HERC1: variants seen among roughly 807,000 people sequenced by gnomAD.
The protein encoded by HERC1 is probable E3 ubiquitin-protein ligase HERC1.
Under a neutral mutation model 554.3 loss-of-function variants are expected in HERC1, and 160 were observed. The observed-to-expected ratio is 0.29, with a 90% CI of 0.25 to 0.33. The LOEUF (loss-of-function observed/expected upper bound fraction) is 0.33. Among genes scored for constraint, HERC1 ranks in the 10% least tolerant of loss-of-function variants. The pLI is 1.00. For synonymous variants in HERC1, 2,175 were observed against 2,131.7 expected (o/e 1.02, Z -0.56); for missense variants, 4,919 against 5,918.5 (o/e 0.83, Z 5.54).
chr15:63,741,544 T>C (rs2074807475), intron 12 of HERC1, among the ~76,000 whole-genome samples: 1 of 152,162 alleles, frequency 6.6e-6, no homozygotes, highest in Non-Finnish European at 1.5e-5. Context: ...CGACTTCAGG[T>C]GATCCACCTG....
At chr15:63,609,890 GA>G (rs985042818) in intron 77 of HERC1, among the ~76,000 whole-genome samples, 2 of 152,144 alleles carry the variant, frequency 1.3e-5, no homozygotes, top group African/African-American at 4.8e-5. Flanking sequence ...CAGCAAAACA[GA>G]AAGGTGTTCA....
At chr15:63,663,281 A>C in intron 43 of HERC1, 77 bp from the exon 44 acceptor site, 1 of 1,219,522 alleles carries the variant, frequency 8.2e-7, no homozygotes, top group African/African-American at 1.5e-5. Context: ...CTTAACTGCC[A>C]TACATGTAGG....
At position 63,638,525 on chromosome 15, in the gene HERC1, C is replaced by T; in HGVS notation, c.11979G>A (p.Leu3993=). ...ATAAGTAGACATCACATTTACCTCCCAGGTGCCAGTCCTAGAAAACCACAA... is the reference window on the plus strand; with the variant it reads ...ATAAGTAGACATCACATTTACCTCCTAGGTGCCAGTCCTAGAAAACCACAA... The part of the protein sequence containing the change: ...WATSRPEDWH[L]GGKCDVYLWG... The change falls in exon 63 of 78, where the codon CTG becomes CTA. Residue 3993 remains leucine (L), a synonymous_variant. Coordinates refer to ENST00000443617, the MANE Select transcript of HERC1 (RefSeq NM_003922.4). 6.2e-7 allele frequency: 1 copy of T among 1,613,840 alleles called. No individual in the cohort carries two copies. The highest frequency in any genetic ancestry group is 2.2e-5 in the East Asian group (1 of 44,874).
chr15:63,772,020 G>A (rs887819169), intron 2 of HERC1, among the ~76,000 whole-genome samples: 7 of 152,048 alleles, frequency 4.6e-5, no homozygotes, highest in African/African-American at 1.7e-4. Flanking sequence ...TACTTGGGAG[G>A]CTGAGGCAGG....
At chr15:63,688,011 A>T (rs1314739491) in intron 33 of HERC1, among the ~76,000 whole-genome samples, 1 of 152,232 alleles carries the variant, frequency 6.6e-6, no homozygotes, top group Non-Finnish European at 1.5e-5. Context: ...AAACCATTGG[A>T]GTATTTTAAG....
intron 54 of HERC1, among the ~76,000 whole-genome samples, chr15:63,649,155 C>A (rs940787217): frequency 6.6e-6 from 1 of 152,168 alleles, no homozygotes; most frequent in Non-Finnish European, 1.5e-5. Context: ...GAGATCGAGA[C>A]CATCCTGGCC....
At chr15:63,687,747 G>A (rs912570783) in intron 33 of HERC1, among the ~76,000 whole-genome samples, 2 of 152,178 alleles carry the variant, frequency 1.3e-5, no homozygotes, top group Admixed American at 6.5e-5. Flanking sequence ...AATTAAAGCA[G>A]GTGACACGAC....
chr15:63,617,685 C>T (rs547307197), intron 74 of HERC1, among the ~76,000 whole-genome samples: 21 of 152,242 alleles, frequency 1.4e-4, no homozygotes, highest in African/African-American at 4.8e-4. Context: ...TTCCTGACTT[C>T]TTAATGATCG....
chr15:63,773,539 T>C (rs2076014726), intron 2 of HERC1, among the ~76,000 whole-genome samples: 1 of 151,916 alleles, frequency 6.6e-6, no homozygotes, highest in South Asian at 2.1e-4. Flanking sequence ...ATTTGTATTT[T>C]ATTTTTTTTT....
In HERC1 at chr15:63,627,599, G is replaced by A. The variant is rs535034972; in HGVS notation, c.13105+1078C>T. 5.3e-4 allele frequency among the ~76,000 whole-genome samples: 80 copies of A among 151,974 alleles called. No individual in the cohort carries two copies. The South Asian group carries it at 0.012, about 23-fold the overall frequency. On this transcript the variant is annotated intron_variant, in intron 70 of 77. Transcript: ENST00000443617. Reference sequence around the variant, plus strand: ...TGAGGCAGGAGAATCGCTTGAACCCGGGAGGCAGAGGTTGCAGTAAGCCGA... The same window carrying A: ...TGAGGCAGGAGAATCGCTTGAACCCAGGAGGCAGAGGTTGCAGTAAGCCGA...
Position 63,612,557 on chromosome 15 carries a change from C to G in HERC1, c.14095-1G>C. The G allele has an allele frequency of 6.2e-7, 1 of 1,611,860 alleles. No homozygotes were observed. The highest frequency in any genetic ancestry group is 8.5e-7 in the Non-Finnish European group (1 of 1,178,484). ...ACATCCCTTCTCGGACTGCAGCCAC[C>G]TGCTCCCGGGAGAGGTTGCTCATTC... On this transcript the variant is annotated splice_acceptor_variant, in intron 76 of 77. Coordinates refer to ENST00000443617, the MANE Select transcript of HERC1 (RefSeq NM_003922.4). LOFTEE classifies it high-confidence loss of function. The surrounding 1 kb of genome is among the most constrained non-coding windows in gnomAD (Gnocchi z 5.0).
intron 32 of HERC1, among the ~76,000 whole-genome samples, 174 bp downstream of exon 32, chr15:63,690,367 A>AT (rs1231518632): frequency 1.3e-5 from 2 of 151,540 alleles, no homozygotes; most frequent in Non-Finnish European, 1.5e-5. Context: ...CCATAACTTA[A>AT]TTTTTTTTGC....
intron 37 of HERC1, among the ~76,000 whole-genome samples, chr15:63,676,257 T>C (rs908398935): frequency 1.3e-5 from 2 of 152,116 alleles, no homozygotes; most frequent in African/African-American, 4.8e-5. Context: ...AGGCAAAGAA[T>C]GAGAGGAAAG....
intron 12 of HERC1, among the ~76,000 whole-genome samples, chr15:63,745,188 G>T (rs2075010926): frequency 6.6e-6 from 1 of 152,158 alleles, no homozygotes; most frequent in Non-Finnish European, 1.5e-5. Context: ...CTCTCTTGGA[G>T]CCACGAGCTG....
Position 63,689,667 on chromosome 15 carries a change from A to G in HERC1, c.5970T>C (p.Asp1990=), listed in dbSNP as rs967721101. The G allele has an allele frequency of 1.7e-5, 27 of 1,587,064 alleles. No homozygotes were observed. The highest frequency in any genetic ancestry group is 1.7e-4 in the Middle Eastern group (1 of 6,032). ...GAGCAATGGGTGTCTCCCACATACA[A>G]TCAGAGAGAAGGGAAAATAAGCGCT... is the stretch of plus-strand genomic sequence containing the variant. ...IVERLFSLLS[D]CMWETPIAQA... Residue 1990 remains aspartate (D), a synonymous_variant, in exon 33 of 78, where the codon GAT becomes GAC. Coordinates refer to ENST00000443617, the MANE Select transcript of HERC1 (RefSeq NM_003922.4).
intron 70 of HERC1, among the ~76,000 whole-genome samples, 194 bp downstream of exon 70, chr15:63,628,483 T>C (rs763889604): frequency 1.1e-4 from 16 of 152,240 alleles, no homozygotes; most frequent in Non-Finnish European, 1.8e-4. Flanking sequence ...ACGTGGTTCA[T>C]ACTGATGTCA....
chr15:63,713,442 A>C lies in HERC1; in HGVS notation c.4374T>G (p.Pro1458=), dbSNP rs777496817. 1.9e-6 allele frequency: 3 copies of C among 1,613,920 alleles called. No homozygotes were observed. In the Admixed American group the frequency reaches 5.0e-5, roughly 27 times the overall value. ...RCALLILGVS[P]VIDELQKRRE... ...TTCGCTTCTGAAGCTCATCTATCAC[A>C]GGACTTACTCCTAATATTAACAGGG... The change falls in exon 23 of 78, where the codon CCT becomes CCG. Residue 1458 remains proline (P), a synonymous_variant. Coordinates refer to ENST00000443617, the MANE Select transcript of HERC1 (RefSeq NM_003922.4).
In HERC1 at chr15:63,756,031, T is replaced by C. The variant is rs1400595236; in HGVS notation, c.1533+406A>G. Among the ~76,000 whole-genome samples the C allele has an allele frequency of 6.6e-6, 1 of 152,192 alleles. No individual in the cohort carries two copies. The highest frequency in any genetic ancestry group is 6.5e-5 in the Admixed American group (1 of 15,280). ...TATTGCTCATTTTTTTCTTTAATAT[T>C]ATCTGAAATTATTCTATATGCTTGT... is the stretch of plus-strand genomic sequence containing the variant. On this transcript the variant is annotated intron_variant, in intron 5 of 77. Coordinates refer to ENST00000443617, the MANE Select transcript of HERC1 (RefSeq NM_003922.4). The surrounding 1 kb of genome is among the most constrained non-coding windows in gnomAD (Gnocchi z 5.0).
chr15:63,686,317 C>A, intron 34 of HERC1, 42 bp downstream of exon 34: 1 of 1,470,160 alleles, frequency 6.8e-7, no homozygotes, highest in South Asian at 1.3e-5. Flanking sequence ...AAAAAAAGGA[C>A]TAAAAGACAA....
Sources: gnomAD v4.1 joint callset for allele counts (sites outside exome capture counted in the v4.1 genomes callset) on GRCh38, gnomAD v4.1.1 for gene constraint, Gnocchi (gnomAD v3.1) non-coding constraint, MANE v1.5 for transcripts, NCBI Gene and HGNC (gene_info 2026-07-23, HGNC 2026-07-21) for gene names.